CSMD1: variants seen among roughly 807,000 people sequenced by gnomAD.
CSMD1 encodes CUB and sushi domain-containing protein 1.
In CSMD1, 213 loss-of-function variants were observed where a neutral mutation model predicts 417.5. That is an observed-to-expected ratio of 0.51 (90% confidence interval 0.46 to 0.57). The LOEUF is 0.57. Among genes scored for constraint, CSMD1 ranks in the 20% least tolerant of loss-of-function variants. The probability of loss-of-function intolerance (pLI) is 0.00; values close to 1 mark genes in which losing one functional copy is unlikely to be tolerated. For synonymous variants in CSMD1, 2,862 were observed against 1,736.8 expected, an observed-to-expected ratio of 1.65 and a Z score of -16.11; for missense variants, 6,923 against 4,529.7, an observed-to-expected ratio of 1.53 and a Z score of -15.17.
intron 8 of CSMD1, among the ~76,000 whole-genome samples, chr8:3,587,209 A>T (rs942105586): frequency 2.0e-5 from 3 of 152,216 alleles, no homozygotes; most frequent in Non-Finnish European, 4.4e-5. Flanking sequence ...CATTAACAAG[A>T]CACTGTCACA....
In CSMD1 at chr8:3,616,801, T is replaced by C; in HGVS notation, c.1010-4A>G. 1 of 1,601,400 alleles carries C rather than the reference T, an allele frequency of 6.2e-7. No individual in the cohort carries two copies. The highest frequency in any genetic ancestry group is 8.5e-7 in the Non-Finnish European group (1 of 1,170,576). The stretch of plus-strand genomic sequence containing the variant: ...AATGCAACACCTCCTTGGCTCACTG[T>C]AATAGACAGAAACATTGTCAAAATG... On this transcript the variant is annotated splice_region_variant and splice_polypyrimidine_tract_variant and intron_variant, in intron 7 of 69. Coordinates refer to ENST00000635120, the MANE Select transcript of CSMD1 (RefSeq NM_033225.6).
intron 57 of CSMD1, among the ~76,000 whole-genome samples, chr8:2,967,904 G>C (rs1804110793): frequency 6.6e-6 from 1 of 152,072 alleles, no homozygotes; most frequent in Non-Finnish European, 1.5e-5. Flanking sequence ...GATCTTGTTT[G>C]AAAAAAATAA....
At chr8:3,585,709 A>C (rs1230134248) in intron 9 of CSMD1, among the ~76,000 whole-genome samples, 1 of 152,182 alleles carries the variant, frequency 6.6e-6, no homozygotes, top group African/African-American at 2.4e-5. Flanking sequence ...AATCAGGCTA[A>C]CAATTCCTTT....
chr8:3,847,764 C>T (rs996279586), intron 5 of CSMD1, among the ~76,000 whole-genome samples: 1 of 152,096 alleles, frequency 6.6e-6, no homozygotes, highest in Non-Finnish European at 1.5e-5. Context: ...CCATATGTTC[C>T]TTTTTATCAT....
At chr8:4,720,140 C>G (rs894031095) in intron 1 of CSMD1, among the ~76,000 whole-genome samples, 2 of 149,514 alleles carry the variant, frequency 1.3e-5, no homozygotes, top group Middle Eastern at 3.4e-3. Context: ...ATTTTTGCTT[C>G]ACAAAGCTAG....
intron 8 of CSMD1, among the ~76,000 whole-genome samples, chr8:3,593,624 CAGAT>C (rs1180517149): frequency 4.6e-5 from 7 of 152,162 alleles, no homozygotes; most frequent in Non-Finnish European, 1.0e-4. Flanking sequence ...TAAGAATGAA[CAGAT>C]AAAGTTTTCT....
At chr8:3,830,100 T>C (rs1025014186) in intron 5 of CSMD1, among the ~76,000 whole-genome samples, 1 of 152,332 alleles carries the variant, frequency 6.6e-6, no homozygotes, top group East Asian at 1.9e-4. Context: ...CCCGTTTTCT[T>C]GACCCTAAAG....
chr8:4,083,114 C>T (rs922834613), intron 3 of CSMD1, among the ~76,000 whole-genome samples: 2 of 151,978 alleles, frequency 1.3e-5, no homozygotes, highest in Non-Finnish European at 2.9e-5. Context: ...ATTTATAGTC[C>T]TTTTAGTATA....
Position 4,749,155 on chromosome 8 carries a change from T to C in CSMD1, c.86-111597A>G, listed in dbSNP as rs990957662. On this transcript the variant is annotated intron_variant, in intron 1 of 69. Coordinates refer to ENST00000635120, the MANE Select transcript of CSMD1 (RefSeq NM_033225.6). ...TAATATTGTCATGAGTCATAGATTATCACAGAAAAGAAAATCTATTGATTG... is the reference window on the plus strand; with the variant it reads ...TAATATTGTCATGAGTCATAGATTACCACAGAAAAGAAAATCTATTGATTG... Among the ~76,000 whole-genome samples the C allele has an allele frequency of 5.3e-5, 8 of 152,348 alleles. No individual in the cohort carries two copies. In the East Asian group the frequency reaches 7.7e-4, roughly 15 times the overall value.
chr8:3,948,714 C>G lies in CSMD1; in HGVS notation c.818+49189G>C, dbSNP rs147685324. ...TCCACCAACTTAATAATGAATAAAA[C>G]CAACAATCAATAATACAGTGACTTA... On this transcript the variant is annotated intron_variant, in intron 5 of 69. Transcript: ENST00000635120. 5.3e-5 allele frequency among the ~76,000 whole-genome samples: 8 copies of G among 152,126 alleles called. No homozygotes were observed. The East Asian group carries it at 1.4e-3, about 26-fold the overall frequency.
intron 2 of CSMD1, among the ~76,000 whole-genome samples, chr8:4,476,701 A>C (rs188086081): frequency 1.3e-5 from 2 of 152,248 alleles, no homozygotes; most frequent in Admixed American, 1.3e-4. Flanking sequence ...TCAAGTCCCG[A>C]TTTCACCACT....
At chr8:3,637,784 C>A (rs1368346917) in intron 7 of CSMD1, among the ~76,000 whole-genome samples, 2 of 152,118 alleles carry the variant, frequency 1.3e-5, no homozygotes, top group Non-Finnish European at 2.9e-5. Flanking sequence ...ATTCCCACAT[C>A]TTGGGAGGGA....
intron 18 of CSMD1, among the ~76,000 whole-genome samples, chr8:3,384,357 C>G (rs7819794): frequency 0.68 from 103,502 of 151,708 alleles, 35,864 homozygotes; most frequent in Middle Eastern, 0.79. Context: ...AACACTATGT[C>G]TTAATAGGAT....
At chr8:3,795,137 AGATAT>A (rs1272048784) in intron 5 of CSMD1, among the ~76,000 whole-genome samples, 9 of 103,026 alleles carry the variant, frequency 8.7e-5, no homozygotes, top group African/African-American at 3.3e-4. Context: ...GTACAGCTAT[AGATAT>A]CTATCATGTA....
At chr8:4,388,144 C>A (rs990247374) in intron 3 of CSMD1, among the ~76,000 whole-genome samples, 8 of 152,144 alleles carry the variant, frequency 5.3e-5, no homozygotes, top group African/African-American at 1.9e-4. Context: ...TAAAAACTTA[C>A]TTCTACCAAC....
chr8:4,846,390 C>T (rs934475014), intron 1 of CSMD1, among the ~76,000 whole-genome samples: 1 of 152,140 alleles, frequency 6.6e-6, no homozygotes, highest in African/African-American at 2.4e-5. Flanking sequence ...GGTGGTTTTC[C>T]TAAAGCCATC....
At chr8:4,704,194 A>C (rs535462652) in intron 1 of CSMD1, among the ~76,000 whole-genome samples, 1 of 152,204 alleles carries the variant, frequency 6.6e-6, no homozygotes, top group African/African-American at 2.4e-5. Flanking sequence ...GTCAAATTTA[A>C]TACGCTGGTA....
chr8:4,219,955 A>G (rs1282151467), intron 3 of CSMD1, among the ~76,000 whole-genome samples: 2 of 152,050 alleles, frequency 1.3e-5, no homozygotes, highest in Non-Finnish European at 2.9e-5. Context: ...AAATTTTTTA[A>G]TGCTTTTTTT....
chr8:3,978,375 T>C (rs939307329), intron 5 of CSMD1, among the ~76,000 whole-genome samples: 3 of 152,188 alleles, frequency 2.0e-5, no homozygotes, highest in Non-Finnish European at 4.4e-5. Flanking sequence ...ATCTTATTTA[T>C]CAAATATTCA....
Sources: allele counts gnomAD v4.1 joint callset (sites outside exome capture counted in the v4.1 genomes callset), GRCh38; gene constraint gnomAD v4.1.1; transcripts MANE v1.5; gene names NCBI Gene and HGNC (gene_info 2026-07-23, HGNC 2026-07-21).